Variants in ATP6V0D2 observed in about 807,000 individuals in gnomAD.
The protein encoded by ATP6V0D2 is V-type proton ATPase subunit d 2.
In ATP6V0D2, 40 loss-of-function variants were observed where a neutral mutation model predicts 40.0. The observed-to-expected ratio is 1.00, with a 90% CI of 0.78 to 1.30. ATP6V0D2 has a LOEUF of 1.30. Ranked by LOEUF, ATP6V0D2 falls within the 50% of genes most tolerant of loss-of-function variation. The pLI, the probability that ATP6V0D2 is intolerant of heterozygous loss-of-function variation, is 0.00. For missense variants in ATP6V0D2, 470 were observed against 423.1 expected, an observed-to-expected ratio of 1.11 and a Z score of -0.97; for synonymous variants, 179 against 156.3, an observed-to-expected ratio of 1.15 and a Z score of -1.08.
chr8:86,105,850 G>A (rs183433562), intron 1 of ATP6V0D2, among the ~76,000 whole-genome samples: 1 of 151,964 alleles, frequency 6.6e-6, no homozygotes, highest in Non-Finnish European at 1.5e-5. Flanking sequence ...TCCTGACCTC[G>A]TGATCTGCCC....
At chr8:86,135,072 C>T (rs1203606894) in intron 2 of ATP6V0D2, among the ~76,000 whole-genome samples, 2 of 152,136 alleles carry the variant, frequency 1.3e-5, no homozygotes, top group South Asian at 2.1e-4. Flanking sequence ...GAGGTAATAC[C>T]CTGGAGAGCT....
intron 2 of ATP6V0D2, among the ~76,000 whole-genome samples, chr8:86,119,466 T>G (rs185986076): frequency 6.6e-6 from 1 of 152,008 alleles, no homozygotes; most frequent in Non-Finnish European, 1.5e-5. Context: ...TGACCTCAAG[T>G]GATCTACCCA....
intron 6 of ATP6V0D2, 26 bp downstream of exon 6, chr8:86,150,314 A>C: frequency 6.2e-7 from 1 of 1,604,192 alleles, no homozygotes; most frequent in East Asian, 2.2e-5. Context: ...GGCTTCCCTA[A>C]GTCCTTTGTG....
chr8:86,150,065 C>A, intron 5 of ATP6V0D2, 47 bp from the exon 6 acceptor site: 1 of 1,561,994 alleles, frequency 6.4e-7, no homozygotes, highest in Non-Finnish European at 8.8e-7. Context: ...CTGTTTATAG[C>A]ATTTAGCAGT....
chr8:86,139,727 G>T, intron 3 of ATP6V0D2, 92 bp downstream of exon 3: 1 of 1,383,776 alleles, frequency 7.2e-7, no homozygotes, highest in Non-Finnish European at 9.7e-7. Context: ...TGGTCCAAAA[G>T]AAAATGTACT....
chr8:86,104,758 G>A (rs537541928), intron 1 of ATP6V0D2, among the ~76,000 whole-genome samples: 100 of 151,358 alleles, frequency 6.6e-4, no homozygotes, highest in Non-Finnish European at 1.2e-3. Context: ...CTTTCTCTTT[G>A]CTTCCTTAGA....
chr8:86,149,876 G>T (rs1819119844), intron 5 of ATP6V0D2, among the ~76,000 whole-genome samples: 1 of 152,040 alleles, frequency 6.6e-6, no homozygotes, highest in Non-Finnish European at 1.5e-5. Flanking sequence ...AAATCTTACT[G>T]GGGTTTCAGG....
At chr8:86,139,271 A>C (rs983138238) in intron 2 of ATP6V0D2, among the ~76,000 whole-genome samples, 186 bp from the exon 3 acceptor site, 1 of 151,684 alleles carries the variant, frequency 6.6e-6, no homozygotes, top group Non-Finnish European at 1.5e-5. Context: ...TTTTCAATTT[A>C]TGACAGTCTC....
rs1818356819 is a variant in ATP6V0D2 at position 86,098,988 on chromosome 8, G to A, written c.10G>A (p.Gly4Ser). MLE[G>S]AELYFNVDHG... ...TTCAATCTCTTCCCCCATGCTCGAA[G>A]GTGCGGAGCTGTACTTCAACGTGGA... is the stretch of plus-strand genomic sequence containing the variant. The change falls in exon 1 of 8, where the codon GGT becomes AGT. Residue 4 changes from glycine to serine, a missense_variant. Coordinates refer to ENST00000285393, the MANE Select transcript of ATP6V0D2 (RefSeq NM_152565.1). 1 of 1,613,662 alleles carries A rather than the reference G, an allele frequency of 6.2e-7. No homozygotes were observed. The highest frequency in any genetic ancestry group is 8.5e-7 in the Non-Finnish European group (1 of 1,179,938).
chr8:86,100,496 T>TA (rs1818382907), intron 1 of ATP6V0D2, among the ~76,000 whole-genome samples: 1 of 152,172 alleles, frequency 6.6e-6, no homozygotes, highest in African/African-American at 2.4e-5. Flanking sequence ...GCCACTTGTT[T>TA]ATAGTTCTGA....
chr8:86,138,360 T>C lies in ATP6V0D2; in HGVS notation c.303-1097T>C, dbSNP rs1465087599. 2.0e-5 allele frequency among the ~76,000 whole-genome samples: 3 copies of C among 152,230 alleles called. 1 individual carries two copies. The highest frequency in any genetic ancestry group is 4.1e-4 in the South Asian group (2 of 4,834). ...ACCCTATAATTTATTTTGCATAGCA[T>C]GTATGCCCTATTGTGATTTGTTGTA... On this transcript the variant is annotated intron_variant, in intron 2 of 7. Coordinates refer to ENST00000285393, the MANE Select transcript of ATP6V0D2 (RefSeq NM_152565.1).
intron 5 of ATP6V0D2, among the ~76,000 whole-genome samples, chr8:86,143,581 T>C (rs913352702): frequency 3.9e-5 from 6 of 152,218 alleles, no homozygotes; most frequent in Non-Finnish European, 7.3e-5. Context: ...GGTGGGAGTG[T>C]AGCAGTGAGG....
rs1261699131 is a variant in ATP6V0D2, at chr8:86,111,541, G to C, written c.131-2168G>C. Among the ~76,000 whole-genome samples the C allele has an allele frequency of 2.6e-5, 4 of 152,144 alleles. No homozygotes were observed. The East Asian group carries it at 5.8e-4, about 22-fold the overall frequency. On this transcript the variant is annotated intron_variant, in intron 1 of 7. Transcript: ENST00000285393. ...TAGCTATTGTGAGCAATGTTATAATGAATGTAGGAGTACAGATATCTCTTC... is the reference window on the plus strand; with the variant it reads ...TAGCTATTGTGAGCAATGTTATAATCAATGTAGGAGTACAGATATCTCTTC...
chr8:86,131,849 GAAATT>G (rs1422670129), intron 2 of ATP6V0D2, among the ~76,000 whole-genome samples: 2 of 152,020 alleles, frequency 1.3e-5, no homozygotes, highest in African/African-American at 4.8e-5. Context: ...AAAAAAGAAA[GAAATT>G]AAAACCTATC....
chr8:86,103,291 ATTTTTTT>A (rs938035037), intron 1 of ATP6V0D2, among the ~76,000 whole-genome samples: 17 of 107,456 alleles, frequency 1.6e-4, no homozygotes, highest in Non-Finnish European at 3.3e-4. Context: ...CTAGTTTTGT[ATTTTTTT>A]TTTTTTTTTT....
In ATP6V0D2 at chr8:86,143,975, A is replaced by G. The variant is rs74686269; in HGVS notation, c.639+1021A>G. ...GACATTGTGCCTTACAAATCCTAAA[A>G]TAAAGGCTGCCCCAAGCAACCCATG... On this transcript the variant is annotated intron_variant, in intron 5 of 7. Transcript: ENST00000285393. Among the ~76,000 whole-genome samples the G allele has an allele frequency of 7.1e-3, 1,075 of 152,282 alleles. 4 individuals are homozygous for G. Among genetic ancestry groups the G allele is most frequent in the Middle Eastern group, 0.02 (6 of 294 alleles).
At chr8:86,110,158 A>G (rs1366344093) in intron 1 of ATP6V0D2, among the ~76,000 whole-genome samples, 2 of 152,130 alleles carry the variant, frequency 1.3e-5, no homozygotes, top group Non-Finnish European at 2.9e-5. Context: ...GCAGTGGCGC[A>G]TTCTCAGCTC....
At chr8:86,110,842 T>TAGGAC (rs966307848) in intron 1 of ATP6V0D2, among the ~76,000 whole-genome samples, 11 of 152,124 alleles carry the variant, frequency 7.2e-5, no homozygotes, top group South Asian at 4.2e-4. Flanking sequence ...TACTCTGGGA[T>TAGGAC]AGGACAGGAC....
At chr8:86,102,495 G>T (rs957815132) in intron 1 of ATP6V0D2, among the ~76,000 whole-genome samples, 4 of 152,192 alleles carry the variant, frequency 2.6e-5, no homozygotes, top group African/African-American at 9.6e-5. Flanking sequence ...ACTTGGCCAA[G>T]ATTAAATTTG....
Sources: gnomAD v4.1 joint callset for allele counts (sites outside exome capture counted in the v4.1 genomes callset) on GRCh38, gnomAD v4.1.1 for gene constraint, MANE v1.5 for transcripts, NCBI Gene and HGNC (gene_info 2026-07-23, HGNC 2026-07-21) for gene names.